CSGALNACT1: variants seen among roughly 807,000 people sequenced by gnomAD.
The protein encoded by CSGALNACT1 is chondroitin sulfate N-acetylgalactosaminyltransferase 1.
Under a neutral mutation model 51.0 loss-of-function variants are expected in CSGALNACT1, and 52 were observed. That is an observed-to-expected ratio of 1.02 (90% CI 0.82 to 1.29). CSGALNACT1 has a LOEUF of 1.29. Ranked by LOEUF, CSGALNACT1 falls within the 50% of genes most tolerant of loss-of-function variation. CSGALNACT1 has a pLI of 0.00. For missense variants in CSGALNACT1, 935 were observed against 679.2 expected (o/e 1.38, Z -4.19); for synonymous variants, 341 against 254.4 (o/e 1.34, Z -3.24).
intron 5 of CSGALNACT1, among the ~76,000 whole-genome samples, chr8:19,453,931 G>T (rs1411340695): frequency 6.8e-6 from 1 of 146,492 alleles, no homozygotes. Flanking sequence ...GGAAGGTAGG[G>T]AGGGAGGGAG....
intron 2 of CSGALNACT1, among the ~76,000 whole-genome samples, chr8:19,599,472 A>AAAGAAAGAAAG (rs2049811039): frequency 1.8e-5 from 2 of 113,806 alleles, no homozygotes; most frequent in South Asian, 3.4e-4. Context: ...GAAAGAAAGA[A>AAAGAAAGAAAG]AAAGAAAGAA....
chr8:19,468,348 G>T (rs577346356), intron 4 of CSGALNACT1, among the ~76,000 whole-genome samples: 1 of 152,284 alleles, frequency 6.6e-6, no homozygotes, highest in African/African-American at 2.4e-5. Context: ...AGACACGAAT[G>T]GGGGGATGGG....
intron 6 of CSGALNACT1, among the ~76,000 whole-genome samples, chr8:19,425,569 C>G (rs979018057): frequency 2.6e-5 from 4 of 152,152 alleles, no homozygotes; most frequent in Admixed American, 2.6e-4. Context: ...CTAATCAGAG[C>G]CTCACAAGAG....
At chr8:19,413,911 G>C (rs1771965241) in intron 8 of CSGALNACT1, among the ~76,000 whole-genome samples, 1 of 152,202 alleles carries the variant, frequency 6.6e-6, no homozygotes, top group Non-Finnish European at 1.5e-5. Flanking sequence ...CCATGTGCCA[G>C]GTTCTGGGGT....
upstream of CSGALNACT1, among the ~76,000 whole-genome samples, chr8:19,604,499 G>T (rs1375420847): frequency 1.3e-5 from 2 of 152,132 alleles, no homozygotes; most frequent in Admixed American, 6.5e-5. Context: ...GTGAAGTCAG[G>T]ATCTTTCTAA....
chr8:19,497,487 T>A (rs1262265997), intron 4 of CSGALNACT1, among the ~76,000 whole-genome samples: 1 of 152,070 alleles, frequency 6.6e-6, no homozygotes, highest in East Asian at 1.9e-4. Context: ...AAAGCAATCA[T>A]GAGAACCAGA....
chr8:19,636,154 G>A (rs1222888064), intron 1 of CSGALNACT1, among the ~76,000 whole-genome samples: 1 of 152,184 alleles, frequency 6.6e-6, no homozygotes, highest in Admixed American at 6.5e-5. Context: ...ACCATGGTCA[G>A]TAAACAGGCG....
intron 1 of CSGALNACT1, among the ~76,000 whole-genome samples, chr8:19,648,684 G>C (rs982210129): frequency 6.6e-5 from 10 of 152,076 alleles, no homozygotes; most frequent in African/African-American, 2.2e-4. Context: ...GGTACCTGTA[G>C]TCCCAGGTAC....
Position 19,456,693 on chromosome 8 carries a change from TG to T in CSGALNACT1, c.851+1732del, listed in dbSNP as rs113844253. Among the ~76,000 whole-genome samples the T allele has an allele frequency of 6.7e-3, 1,014 of 152,294 alleles. 12 individuals are homozygous for T. The highest frequency in any genetic ancestry group is 0.023 in the African/African-American group (948 of 41,560). On this transcript the variant is annotated intron_variant, in intron 5 of 9. Transcript: ENST00000454498. ...GCCAGAGGAACACTGCAAACAATTATGCGATCATGCACAAAGGAGTATTCTA... is the reference window on the plus strand; with the variant it reads ...GCCAGAGGAACACTGCAAACAATTATCGATCATGCACAAAGGAGTATTCTA...
At chr8:19,404,854 G>C in exon 10 of CSGALNACT1, 1 of 454,388 alleles carries the variant, frequency 2.2e-6, no homozygotes, top group Admixed American at 2.3e-5. Flanking sequence ...TTTTCCTCCA[G>C]TGTTCAGTTG....
intron 4 of CSGALNACT1, among the ~76,000 whole-genome samples, chr8:19,473,485 A>G (rs1424833568): frequency 6.6e-6 from 1 of 152,168 alleles, no homozygotes; most frequent in Non-Finnish European, 1.5e-5. Flanking sequence ...GCTCTTCCAG[A>G]CAGCCTTCTG....
intron 3 of CSGALNACT1, among the ~76,000 whole-genome samples, chr8:19,543,854 G>A (rs985843213): frequency 5.3e-5 from 8 of 152,072 alleles, no homozygotes; most frequent in African/African-American, 1.7e-4. Flanking sequence ...ATGGCCTTGG[G>A]GACCCCTGAA....
At chr8:19,589,758 T>C (rs1161122151) in intron 3 of CSGALNACT1, among the ~76,000 whole-genome samples, 1 of 152,236 alleles carries the variant, frequency 6.6e-6, no homozygotes, top group African/African-American at 2.4e-5. Context: ...CAAAAAGGTA[T>C]GTTAGTACAG....
At chr8:19,628,433 C>A (rs1315729258) in intron 1 of CSGALNACT1, among the ~76,000 whole-genome samples, 1 of 152,210 alleles carries the variant, frequency 6.6e-6, no homozygotes, top group Non-Finnish European at 1.5e-5. Context: ...GACCTCCCAC[C>A]AGGTCCCTCC....
Position 19,570,358 on chromosome 8 carries a change from A to T in CSGALNACT1, c.-297+20802T>A, listed in dbSNP as rs115007771. On this transcript the variant is annotated intron_variant, in intron 3 of 9. Transcript: ENST00000454498. ...TATAATTTGAATGCTTGAACACTTG[A>T]AAGGATTATTTAACCAATCCAACAA... Among the ~76,000 whole-genome samples the T allele has an allele frequency of 3.5e-3, 531 of 152,292 alleles. 2 individuals are homozygous for T. The highest frequency in any genetic ancestry group is 0.013 in the African/African-American group (520 of 41,558).
At chr8:19,685,810 C>T (rs1994789), upstream of CSGALNACT1, among the ~76,000 whole-genome samples, 57,352 of 151,910 alleles carry the variant, frequency 0.38, 12,703 homozygotes, top group African/African-American at 0.62. Context: ...GACATACCAA[C>T]GAGAAGGAGT....
At chr8:19,416,367 C>T (rs2153687470) in intron 8 of CSGALNACT1, among the ~76,000 whole-genome samples, 1 of 152,230 alleles carries the variant, frequency 6.6e-6, no homozygotes, top group Non-Finnish European at 1.5e-5. Context: ...CCTGCTTCGG[C>T]CTCCCAAAGT....
chr8:19,713,722 G>A (rs1018882677), intron 1 of CSGALNACT1, among the ~76,000 whole-genome samples: 1 of 152,182 alleles, frequency 6.6e-6, no homozygotes, highest in African/African-American at 2.4e-5. Context: ...CCCCCTATGG[G>A]TTTCAGAGGG....
intron 1 of CSGALNACT1, among the ~76,000 whole-genome samples, chr8:19,709,959 T>G (rs1407023564): frequency 6.6e-6 from 1 of 152,182 alleles, no homozygotes; most frequent in Non-Finnish European, 1.5e-5. Context: ...AAAGCTGGGT[T>G]GGGTCCACAG....
Sources: allele counts gnomAD v4.1 joint callset (sites outside exome capture counted in the v4.1 genomes callset), GRCh38; gene constraint gnomAD v4.1.1; transcripts MANE v1.5; gene names NCBI Gene and HGNC (gene_info 2026-07-23, HGNC 2026-07-21).